The following COL28A1 variants were observed in gnomAD, a reference collection of about 807,000 sequenced individuals.
COL28A1 encodes the protein collagen alpha-1(XXVIII) chain.
A neutral mutation model predicts 150.2 loss-of-function variants in COL28A1; 161 were observed. That is an observed-to-expected ratio of 1.07 (90% CI 0.94 to 1.22). COL28A1 has a LOEUF of 1.22. COL28A1 is among the 50% of genes most tolerant of loss of function. The probability of loss-of-function intolerance (pLI) is 0.00; values close to 1 mark genes in which losing one functional copy is unlikely to be tolerated. For synonymous variants in COL28A1, 552 were observed against 469.7 expected, an observed-to-expected ratio of 1.18 and a Z score of -2.26; for missense variants, 1,617 against 1,388.3, an observed-to-expected ratio of 1.16 and a Z score of -2.62.
intron 3 of COL28A1, among the ~76,000 whole-genome samples, chr7:7,530,597 G>C (rs75142595): frequency 0.017 from 2,536 of 152,236 alleles, 73 homozygotes; most frequent in African/African-American, 0.058. Context: ...TTTTCTCCTT[G>C]AGAAATATTG....
chr7:7,436,506 G>C (rs749473621), intron 22 of COL28A1, 43 bp from the exon 23 acceptor site: 5 of 943,416 alleles, frequency 5.3e-6, no homozygotes, highest in Non-Finnish European at 8.8e-6. Flanking sequence ...AGTTGTGCGA[G>C]AAATCACAAG....
intron 27 of COL28A1, among the ~76,000 whole-genome samples, chr7:7,393,882 C>T (rs1159782845): frequency 5.9e-5 from 9 of 152,072 alleles, no homozygotes; most frequent in South Asian, 2.1e-4. Context: ...GGGTGGGATC[C>T]GCTGAAGTAG....
At chr7:7,413,064 G>A (rs866799663) in intron 27 of COL28A1, among the ~76,000 whole-genome samples, 5 of 152,060 alleles carry the variant, frequency 3.3e-5, no homozygotes, top group Non-Finnish European at 7.3e-5. Context: ...GGCTTCAGAT[G>A]TCTCAGAGGT....
chr7:7,452,436 C>T, intron 17 of COL28A1, 49 bp from the exon 18 acceptor site: 2 of 1,560,424 alleles, frequency 1.3e-6, no homozygotes, highest in Non-Finnish European at 8.6e-7. Flanking sequence ...ATAATATATT[C>T]CTGCTGTTGA....
At chr7:7,434,886 T>C (rs1785231812) in intron 23 of COL28A1, among the ~76,000 whole-genome samples, 1 of 152,170 alleles carries the variant, frequency 6.6e-6, no homozygotes, top group South Asian at 2.1e-4. Context: ...AGGGTAAAAA[T>C]GGAAACCTAG....
chr7:7,380,663 A>G lies in COL28A1; in HGVS notation c.2319T>C (p.Leu773=). 1 of 1,613,316 alleles carries G rather than the reference A, an allele frequency of 6.2e-7. No individual in the cohort carries two copies. Among genetic ancestry groups the G allele is most frequent in the South Asian group, 1.1e-5 (1 of 91,056 alleles). The change falls in exon 30 of 35, where the codon CTT becomes CTC. Residue 773 remains leucine, a synonymous_variant. Transcript: ENST00000399429. The part of the protein sequence containing the change: ...GLQGPKGDLG[L]TKEEIIKLIT... ...ACCCTCTAGAATGGATACTCACTGT[A>G]AGTCCTAGGTCTCCTTTGGGTCCTT...
At chr7:7,500,726 T>C (rs188947552) in intron 11 of COL28A1, among the ~76,000 whole-genome samples, 176 of 152,218 alleles carry the variant, frequency 1.2e-3, no homozygotes, top group African/African-American at 4.1e-3. Flanking sequence ...CAGTTTTAAG[T>C]TCAGGGTCTG....
intron 27 of COL28A1, among the ~76,000 whole-genome samples, chr7:7,390,677 T>G (rs1469162788): frequency 6.6e-6 from 1 of 152,156 alleles, no homozygotes; most frequent in Admixed American, 6.5e-5. Flanking sequence ...AGAACTTGTT[T>G]TGGTCTGTTC....
Position 7,531,870 on chromosome 7 carries a change from C to T in COL28A1, c.159G>A (p.Val53=). Residue 53 remains valine (V), a synonymous_variant, in exon 3 of 35, where the codon GTG becomes GTA. Coordinates refer to ENST00000399429, the MANE Select transcript of COL28A1 (RefSeq NM_001037763.3). ...CAATTTTAGAACTTTCAGAGCTGTC[C>T]ACGATGAAGACAATATCTATGAAAC... ...SICFIDIVFI[V]DSSESSKIAL... 6.2e-7 allele frequency: 1 copy of T among 1,608,870 alleles called. No individual in the cohort carries two copies. Among genetic ancestry groups the T allele is most frequent in the Non-Finnish European group, 8.5e-7 (1 of 1,175,380 alleles).
chr7:7,438,229 C>A (rs1035799192), intron 21 of COL28A1, among the ~76,000 whole-genome samples: 1 of 152,044 alleles, frequency 6.6e-6, no homozygotes, highest in African/African-American at 2.4e-5. Flanking sequence ...TCCAGCCTGA[C>A]CAACAGAGCA....
At chr7:7,374,038 AAT>A (rs60964603) in intron 31 of COL28A1, among the ~76,000 whole-genome samples, 218 of 113,624 alleles carry the variant, frequency 1.9e-3, no homozygotes, top group Middle Eastern at 0.013. Context: ...AAAAAAAAAA[AAT>A]ATATATATAT....
chr7:7,391,704 A>T (rs2128294341), intron 27 of COL28A1, among the ~76,000 whole-genome samples: 1 of 151,600 alleles, frequency 6.6e-6, no homozygotes, highest in Non-Finnish European at 1.5e-5. Context: ...TTCATGTTGC[A>T]TTGATCCCTT....
At chr7:7,493,892 A>G (rs1306810651) in intron 11 of COL28A1, among the ~76,000 whole-genome samples, 2 of 152,074 alleles carry the variant, frequency 1.3e-5, no homozygotes, top group East Asian at 3.9e-4. Flanking sequence ...GGCATGCCCA[A>G]AAAATTGCAT....
intron 25 of COL28A1, among the ~76,000 whole-genome samples, chr7:7,429,433 C>T (rs1439641460): frequency 2.0e-5 from 2 of 101,186 alleles, no homozygotes; most frequent in African/African-American, 1.2e-4. Context: ...CTCTCACATA[C>T]ACACACACTC....
chr7:7,415,977 A>G (rs1488381998), intron 27 of COL28A1, among the ~76,000 whole-genome samples: 1 of 152,000 alleles, frequency 6.6e-6, no homozygotes, highest in African/African-American at 2.4e-5. Context: ...TAAGTTTTGT[A>G]TTTTTAGTAG....
chr7:7,399,782 C>T (rs17167239), intron 27 of COL28A1, among the ~76,000 whole-genome samples: 1,668 of 152,294 alleles, frequency 0.011, 25 homozygotes, highest in African/African-American at 0.031. Flanking sequence ...AAAAATTCTG[C>T]GGCACTGTCA....
At chr7:7,384,616 A>G (rs1782076097) in intron 27 of COL28A1, among the ~76,000 whole-genome samples, 1 of 151,198 alleles carries the variant, frequency 6.6e-6, no homozygotes, top group Non-Finnish European at 1.5e-5. Context: ...GTGTATATAG[A>G]AAAAACATAG....
chr7:7,505,908 G>C (rs1034001665), intron 11 of COL28A1, 106 bp downstream of exon 11: 2 of 751,476 alleles, frequency 2.7e-6, no homozygotes, highest in African/African-American at 3.4e-5. Context: ...ATTTCCAAAG[G>C]TACTTCCTCA....
chr7:7,508,510 G>A (rs1780948419), intron 9 of COL28A1, among the ~76,000 whole-genome samples: 1 of 152,194 alleles, frequency 6.6e-6, no homozygotes, highest in African/African-American at 2.4e-5. Flanking sequence ...TAAAGAGAGA[G>A]AAACTTCCTC....
Sources: gnomAD v4.1 joint callset for allele counts (sites outside exome capture counted in the v4.1 genomes callset) on GRCh38, gnomAD v4.1.1 for gene constraint, MANE v1.5 for transcripts, NCBI Gene and HGNC (gene_info 2026-07-23, HGNC 2026-07-21) for gene names.